The following SGCD variants were observed in gnomAD, a reference collection of about 807,000 sequenced individuals.
The protein encoded by SGCD is delta-sarcoglycan.
Under a neutral mutation model 36.6 loss-of-function variants are expected in SGCD, and 18 were observed. The observed-to-expected ratio is 0.49, with a 90% confidence interval of 0.34 to 0.73. The LOEUF (loss-of-function observed/expected upper bound fraction) is 0.73. Ranked by LOEUF, SGCD falls within the 30% of genes least tolerant of loss-of-function variation. The pLI, the probability that SGCD is intolerant of heterozygous loss-of-function variation, is 0.01. For synonymous variants in SGCD, 133 were observed against 130.6 expected (o/e 1.02, Z -0.12); for missense variants, 387 against 346.7 (o/e 1.12, Z -0.92).
chr5:156,474,672 T>C (rs1224235348), intron 3 of SGCD, among the ~76,000 whole-genome samples: 6 of 152,176 alleles, frequency 3.9e-5, no homozygotes. Flanking sequence ...TCTAGAGATG[T>C]GCCTGCTCTA....
At chr5:156,024,727 A>G (rs1464829135) in intron 1 of SGCD, among the ~76,000 whole-genome samples, 2 of 152,134 alleles carry the variant, frequency 1.3e-5, no homozygotes, top group African/African-American at 4.8e-5. Context: ...CCCAGCTGAG[A>G]TGGGCAGATT....
chr5:156,078,166 A>G (rs1383841296), intron 1 of SGCD, among the ~76,000 whole-genome samples: 1 of 151,870 alleles, frequency 6.6e-6, no homozygotes, highest in African/African-American at 2.4e-5. Flanking sequence ...CAGTTTGCTT[A>G]TTTTTTTATT....
chr5:156,482,006 G>A (rs985821699), intron 3 of SGCD, among the ~76,000 whole-genome samples: 1 of 152,176 alleles, frequency 6.6e-6, no homozygotes, highest in African/African-American at 2.4e-5. Flanking sequence ...TCTGGTCCCA[G>A]TCCCCTCAAA....
At chr5:156,006,799 AATGTGAGCAGTCTAATCACTCAAAATAC>A (rs1365224535) in intron 1 of SGCD, among the ~76,000 whole-genome samples, 3 of 152,176 alleles carry the variant, frequency 2.0e-5, no homozygotes, top group Non-Finnish European at 2.9e-5. Context: ...AGGGTTCTCA[AATGTGAGCAGTCTAATCACTCAAAATAC>A]ATGTGTTGAG....
intron 7 of SGCD, among the ~76,000 whole-genome samples, chr5:156,680,882 G>A (rs1414422274): frequency 6.6e-6 from 1 of 152,178 alleles, no homozygotes; most frequent in Non-Finnish European, 1.5e-5. Context: ...TTCATGGGCA[G>A]GAACTGGAGT....
intron 4 of SGCD, among the ~76,000 whole-genome samples, chr5:156,541,576 G>A (rs1260404359): frequency 1.3e-5 from 2 of 152,142 alleles, no homozygotes; most frequent in South Asian, 2.1e-4. Flanking sequence ...TTAAACAAAT[G>A]TGTGTTAGTC....
chr5:155,954,462 A>T (rs1240608248), intron 1 of SGCD, among the ~76,000 whole-genome samples: 1 of 152,148 alleles, frequency 6.6e-6, no homozygotes, highest in Non-Finnish European at 1.5e-5. Context: ...AGCAACTTGA[A>T]TCCATTTGAT....
chr5:155,988,729 A>G lies in SGCD; in HGVS notation c.-282+118305A>G, dbSNP rs1188519256. 2.6e-5 allele frequency among the ~76,000 whole-genome samples: 4 copies of G among 152,204 alleles called. No individual in the cohort carries two copies. The East Asian group carries it at 5.8e-4, about 22-fold the overall frequency. ...AAATAAGCTCAAATTATTCACCAGGAAAGTTACTTAAATTCTTCAAACTTC... is the reference window on the plus strand; with the variant it reads ...AAATAAGCTCAAATTATTCACCAGGGAAGTTACTTAAATTCTTCAAACTTC... On this transcript the variant is annotated intron_variant, in intron 1 of 9. Transcript: ENST00000517913.
At chr5:156,144,600 T>A (rs1762667570) in intron 3 of SGCD, among the ~76,000 whole-genome samples, 1 of 152,256 alleles carries the variant, frequency 6.6e-6, no homozygotes, top group African/African-American at 2.4e-5. Flanking sequence ...TTTTTTCTTA[T>A]AAATTTGTTT....
At chr5:156,604,699 T>C (rs1288223756) in intron 6 of SGCD, among the ~76,000 whole-genome samples, 3 of 63,880 alleles carry the variant, frequency 4.7e-5, no homozygotes, top group Middle Eastern at 8.8e-3. Context: ...ATATCCATTA[T>C]ACATATACAT....
chr5:156,183,644 G>A (rs1477220953), intron 3 of SGCD, among the ~76,000 whole-genome samples: 1 of 152,166 alleles, frequency 6.6e-6, no homozygotes, highest in Admixed American at 6.5e-5. Context: ...CTGGCCTCAA[G>A]TGATCTGCCC....
chr5:156,519,812 C>T (rs764017539), intron 4 of SGCD, among the ~76,000 whole-genome samples: 7 of 152,156 alleles, frequency 4.6e-5, no homozygotes, highest in Admixed American at 2.0e-4. Context: ...TAAAATTCAA[C>T]ATTCCTTCCC....
At chr5:156,314,901 TCC>T (rs1333884081) in intron 3 of SGCD, among the ~76,000 whole-genome samples, 1 of 152,054 alleles carries the variant, frequency 6.6e-6, no homozygotes, top group Non-Finnish European at 1.5e-5. Flanking sequence ...CATTACTTTT[TCC>T]CCTAGCTTCA....
At chr5:156,284,083 T>C (rs1766528309) in intron 3 of SGCD, among the ~76,000 whole-genome samples, 1 of 152,074 alleles carries the variant, frequency 6.6e-6, no homozygotes, top group African/African-American at 2.4e-5. Flanking sequence ...GGAAGAAAGG[T>C]ACTGAAAATA....
intron 1 of SGCD, among the ~76,000 whole-genome samples, chr5:155,916,754 A>G (rs920438283): frequency 6.6e-6 from 1 of 152,226 alleles, no homozygotes; most frequent in African/African-American, 2.4e-5. Context: ...GTTTAGAGTG[A>G]CAGTAACAGT....
the SGCD span, among the ~76,000 whole-genome samples, chr5:155,799,740 C>G: frequency 6.8e-6 from 1 of 146,562 alleles, no homozygotes. Context: ...TTTTTTTTTT[C>G]TGCCTTCCAT....
At chr5:156,128,586 G>C (rs908926829) in intron 3 of SGCD, among the ~76,000 whole-genome samples, 9 of 152,156 alleles carry the variant, frequency 5.9e-5, no homozygotes, top group African/African-American at 1.9e-4. Context: ...ACGTGTCAAG[G>C]TAGGGACCTG....
chr5:156,460,988 A>G (rs1211333616), intron 3 of SGCD, among the ~76,000 whole-genome samples: 1 of 152,182 alleles, frequency 6.6e-6, no homozygotes, highest in Non-Finnish European at 1.5e-5. Flanking sequence ...AAATATAGAC[A>G]GATATAGTAG....
rs186041693 is a variant in SGCD at position 156,625,081 on chromosome 5, G to A, written c.503-22383G>A. On this transcript the variant is annotated intron_variant, in intron 6 of 8. Coordinates refer to ENST00000337851, the MANE Select transcript of SGCD (RefSeq NM_000337.6). Reference sequence around the variant, plus strand: ...GATTAAGAGGATGACTCAGGCTAGCGATGGCACCTATGCCTCTCAGTAATA... The same window carrying A: ...GATTAAGAGGATGACTCAGGCTAGCAATGGCACCTATGCCTCTCAGTAATA... Among the ~76,000 whole-genome samples, 263 of 152,276 alleles carry A rather than the reference G, an allele frequency of 1.7e-3. 1 individual carries two copies. The highest frequency in any genetic ancestry group is 6.0e-3 in the African/African-American group (248 of 41,542).
Sources: allele counts gnomAD v4.1 joint callset (sites outside exome capture counted in the v4.1 genomes callset), GRCh38; gene constraint gnomAD v4.1.1; transcripts MANE v1.5; gene names NCBI Gene and HGNC (gene_info 2026-07-23, HGNC 2026-07-21).